The following UNC5A variants were observed in gnomAD, a reference collection of about 807,000 sequenced individuals.
UNC5A encodes netrin receptor UNC5A.
Under a neutral mutation model 87.4 loss-of-function variants are expected in UNC5A, and 20 were observed. The observed-to-expected ratio is 0.23, with a 90% confidence interval of 0.16 to 0.33. The LOEUF (loss-of-function observed/expected upper bound fraction) is 0.33, where lower values mean the gene tolerates loss of function less well. Ranked by LOEUF, UNC5A falls within the 10% of genes least tolerant of loss-of-function variation. UNC5A has a pLI of 1.00. For synonymous variants in UNC5A, 438 were observed against 482.3 expected, an observed-to-expected ratio of 0.91 and a Z score of 1.20; for missense variants, 844 against 1,133.4, an observed-to-expected ratio of 0.74 and a Z score of 3.67.
rs1202744786 is a variant in UNC5A, at chr5:176,880,110, G to A, written c.*224G>A. 2 of 578,944 alleles carry A rather than the reference G, an allele frequency of 3.5e-6. No homozygotes were observed. The highest frequency in any genetic ancestry group is 6.0e-6 in the Non-Finnish European group (2 of 333,556). The allele number at this position is 578,944 out of a possible 1,614,324, so 35.9% of individuals were successfully genotyped here. On this transcript the variant is annotated 3_prime_UTR_variant, in exon 15 of 15. Transcript: ENST00000329542. ...CACTGCCACTCACACTCGGCCCCAG[G>A]GCCCAGGAGGGACAGTGCCTGGAGC...
At chr5:176,816,513 GA>G (rs1365448022) in intron 1 of UNC5A, among the ~76,000 whole-genome samples, 1 of 152,262 alleles carries the variant, frequency 6.6e-6, no homozygotes, top group Non-Finnish European at 1.5e-5. Context: ...AGGAGGTAGT[GA>G]AATGGGTGAG....
At chr5:176,854,093 C>T (rs969065136) in intron 1 of UNC5A, among the ~76,000 whole-genome samples, 1 of 152,046 alleles carries the variant, frequency 6.6e-6, no homozygotes, top group Non-Finnish European at 1.5e-5. Flanking sequence ...AGGCGTGCAC[C>T]CCAGCTTGCT....
At chr5:176,831,443 G>A (rs980503224) in intron 1 of UNC5A, among the ~76,000 whole-genome samples, 4 of 152,158 alleles carry the variant, frequency 2.6e-5, no homozygotes, top group East Asian at 1.9e-4. Context: ...CCTTCTCTGC[G>A]CAGGAATGCT....
rs1452952965 is a variant in UNC5A at position 176,841,172 on chromosome 5, G to A, written c.71-21452G>A. ...GTCAGGACCACATGGTAATGATCACGAGCTAAAGTTGCAGGGGGCACCAGA... is the reference window on the plus strand; with the variant it reads ...GTCAGGACCACATGGTAATGATCACAAGCTAAAGTTGCAGGGGGCACCAGA... On this transcript the variant is annotated intron_variant, in intron 1 of 14. Transcript: ENST00000329542. This position sits in a 1 kb window ranked among gnomAD's most constrained non-coding sequence, Gnocchi z 4.1. 1.3e-5 allele frequency among the ~76,000 whole-genome samples: 2 copies of A among 152,226 alleles called. No individual in the cohort carries two copies. The highest frequency in any genetic ancestry group is 1.3e-4 in the Admixed American group (2 of 15,286).
Position 176,868,940 on chromosome 5 carries a change from G to A in UNC5A, c.697G>A (p.Ala233Thr), listed in dbSNP as rs111351493. Residue 233 changes from alanine to threonine, a missense_variant, in exon 5 of 15, where the codon GCC (alanine) becomes ACC (threonine). Transcript: ENST00000329542. ...AKNIVARRRS[A>T]SAAVIVYVDG... ...GAACATCGTGGCACGTCGCCGCAGCGCCTCCGCTGCTGTCATCGTCTACGG... is the reference window on the plus strand; with the variant it reads ...GAACATCGTGGCACGTCGCCGCAGCACCTCCGCTGCTGTCATCGTCTACGG... 3.8e-5 allele frequency: 61 copies of A among 1,609,880 alleles called. No homozygotes were observed. Among genetic ancestry groups the A allele is most frequent in the African/African-American group, 3.7e-4 (28 of 75,014 alleles).
Position 176,865,793 on chromosome 5 carries a change from A to G in UNC5A, c.293-2337A>G. ...CATGTGTGGGGCTGGAGGTGGCCGG[A>G]TGGACACCCAGGAGAGCACCTACTT... On this transcript the variant is annotated intron_variant, in intron 2 of 14. Coordinates refer to ENST00000329542, the MANE Select transcript of UNC5A (RefSeq NM_133369.3). The surrounding 1 kb of genome is among the most constrained non-coding windows in gnomAD (Gnocchi z 5.3). 1 of 407,590 alleles carries G rather than the reference A, an allele frequency of 2.5e-6. No individual in the cohort carries two copies. Among genetic ancestry groups the G allele is most frequent in the Non-Finnish European group, 4.9e-6 (1 of 202,852 alleles). The allele number at this position is 407,590 out of a possible 1,614,324, so 25.2% of individuals were successfully genotyped here. A position where few individuals can be genotyped will look rare whatever the true frequency, so the allele number is the denominator to read the frequency against.
At chr5:176,815,422 G>A (rs1581239792) in intron 1 of UNC5A, among the ~76,000 whole-genome samples, 1 of 152,340 alleles carries the variant, frequency 6.6e-6, no homozygotes, top group East Asian at 1.9e-4. Context: ...GAAAGGACAG[G>A]CTAAGCTTTG....
intron 6 of UNC5A, 48 bp downstream of exon 6, chr5:176,870,582 C>G: frequency 6.5e-7 from 1 of 1,532,990 alleles, no homozygotes. Flanking sequence ...CTGGATTGGC[C>G]TTGCCCAGCC....
chr5:176,860,072 C>A (rs574335366), intron 1 of UNC5A, among the ~76,000 whole-genome samples: 12 of 152,336 alleles, frequency 7.9e-5, no homozygotes, highest in African/African-American at 2.6e-4. Context: ...TGGAGGGCCG[C>A]ACACCCCCTC....
At chr5:176,871,861 C>T (rs1437493459) in intron 6 of UNC5A, among the ~76,000 whole-genome samples, 2 of 19,550 alleles carry the variant, frequency 1.0e-4, no homozygotes, top group Non-Finnish European at 2.4e-4. Flanking sequence ...TTCCCATCTG[C>T]CCACACTCGC....
In UNC5A at chr5:176,848,979, GC is replaced by G. The variant is rs1757478439; in HGVS notation, c.71-13643del. ...TCTCCGCCTCTGTCCAGGCCCAGGGGCCTTCTTTTGGGGGCTCTGATGAGGA... is the reference window on the plus strand; with the variant it reads ...TCTCCGCCTCTGTCCAGGCCCAGGGGCTTCTTTTGGGGGCTCTGATGAGGA... On this transcript the variant is annotated intron_variant, in intron 1 of 14. Transcript: ENST00000329542. This position sits in a 1 kb window ranked among gnomAD's most constrained non-coding sequence, Gnocchi z 5.8. Among the ~76,000 whole-genome samples, 1 of 152,234 alleles carries G rather than the reference GC, an allele frequency of 6.6e-6. No homozygotes were observed. Among genetic ancestry groups the G allele is most frequent in the Non-Finnish European group, 1.5e-5 (1 of 68,042 alleles).
chr5:176,866,828 C>G lies in UNC5A; in HGVS notation c.293-1302C>G, dbSNP rs1397956386. 6.6e-6 allele frequency among the ~76,000 whole-genome samples: 1 copy of G among 152,148 alleles called. No homozygotes were observed. The highest frequency in any genetic ancestry group is 1.5e-5 in the Non-Finnish European group (1 of 68,026). Reference sequence around the variant, plus strand: ...ACACTGGGTGTCTTAGAGAACGGGGCAGGTGGTGCCCAGAACGGAGGGAAG... The same window carrying G: ...ACACTGGGTGTCTTAGAGAACGGGGGAGGTGGTGCCCAGAACGGAGGGAAG... On this transcript the variant is annotated intron_variant, in intron 2 of 14. Coordinates refer to ENST00000329542, the MANE Select transcript of UNC5A (RefSeq NM_133369.3). This position sits in a 1 kb window ranked among gnomAD's most constrained non-coding sequence, Gnocchi z 5.0.
chr5:176,846,193 C>G (rs569540772), intron 1 of UNC5A, among the ~76,000 whole-genome samples: 1 of 152,268 alleles, frequency 6.6e-6, no homozygotes, highest in South Asian at 2.1e-4. Context: ...GAGCCTGGCA[C>G]TCTCCAGGAG....
chr5:176,813,046 C>G (rs1156921264), intron 1 of UNC5A, among the ~76,000 whole-genome samples: 1 of 152,224 alleles, frequency 6.6e-6, no homozygotes. Flanking sequence ...CCGCTTGCTC[C>G]CCAGGCCACG....
At chr5:176,845,196 G>A (rs1021260435) in intron 1 of UNC5A, among the ~76,000 whole-genome samples, 1 of 152,114 alleles carries the variant, frequency 6.6e-6, no homozygotes, top group Non-Finnish European at 1.5e-5. Flanking sequence ...AGGTCAGGCA[G>A]CTCCCTGTCC....
At chr5:176,876,420 TG>T (rs1036604973) in intron 8 of UNC5A, among the ~76,000 whole-genome samples, 9 of 152,180 alleles carry the variant, frequency 5.9e-5, no homozygotes, top group African/African-American at 2.2e-4. Flanking sequence ...TGTCCTGAGC[TG>T]GGAGCCCCTC....
chr5:176,880,794 A>T lies in UNC5A; in HGVS notation c.*908A>T. 3.0e-6 allele frequency: 1 copy of T among 329,718 alleles called. No individual in the cohort carries two copies. The allele number at this position is 329,718 out of a possible 1,614,324, so 20.4% of individuals were successfully genotyped here. ...TCCTGACTTTGTCTTAAGTGCATTCACGCACTTACTCTTGGCCTTATGTAC... is the reference window on the plus strand; with the variant it reads ...TCCTGACTTTGTCTTAAGTGCATTCTCGCACTTACTCTTGGCCTTATGTAC... On this transcript the variant is annotated 3_prime_UTR_variant, in exon 15 of 15. Coordinates refer to ENST00000329542, the MANE Select transcript of UNC5A (RefSeq NM_133369.3).
intron 1 of UNC5A, among the ~76,000 whole-genome samples, chr5:176,854,420 G>A (rs529366289): frequency 6.6e-5 from 10 of 152,304 alleles, no homozygotes; most frequent in African/African-American, 2.2e-4. Flanking sequence ...ATCTCAGGCC[G>A]CAGGGATGCA....
rs373922088 is a variant in UNC5A, at chr5:176,846,965, G to A, written c.71-15659G>A. Reference sequence around the variant, plus strand: ...TTGGGAGCAGGATGGACGCAGAGCCGCGCACATGCTCTGCCCTCCCAGAGC... The same window carrying A: ...TTGGGAGCAGGATGGACGCAGAGCCACGCACATGCTCTGCCCTCCCAGAGC... On this transcript the variant is annotated intron_variant, in intron 1 of 14. Transcript: ENST00000329542. Among the ~76,000 whole-genome samples the A allele has an allele frequency of 3.9e-5, 6 of 152,146 alleles. No homozygotes were observed. In the East Asian group the frequency reaches 1.2e-3, roughly 29 times the overall value.
Sources: allele counts gnomAD v4.1 joint callset (sites outside exome capture counted in the v4.1 genomes callset), GRCh38; gene constraint gnomAD v4.1.1; non-coding constraint Gnocchi (gnomAD v3.1); transcripts MANE v1.5; gene names NCBI Gene and HGNC (gene_info 2026-07-23, HGNC 2026-07-21).